DUSP26: variants seen among roughly 807,000 people sequenced by gnomAD.
The protein encoded by DUSP26 is dual specificity phosphatase 26.
Under a neutral mutation model 20.0 loss-of-function variants are expected in DUSP26, and 12 were observed. The observed-to-expected ratio is 0.60, with a 90% CI of 0.38 to 0.97. The LOEUF is 0.97. DUSP26 is among the 50% of genes least tolerant of loss of function. The pLI, the probability that DUSP26 is intolerant of heterozygous loss-of-function variation, is 0.00. For missense variants in DUSP26, 230 were observed against 294.0 expected (o/e 0.78, Z 1.59); for synonymous variants, 120 against 118.8 (o/e 1.01, Z -0.06).
chr8:33,592,296 C>T, intron 3 of DUSP26, 84 bp from the exon 4 acceptor site: 1 of 1,334,174 alleles, frequency 7.5e-7, no homozygotes, highest in South Asian at 1.5e-5. Context: ...TGGGGCCGGG[C>T]ATGGTGGCTC....
chr8:33,599,399 G>C (rs372740290), intron 1 of DUSP26, among the ~76,000 whole-genome samples: 83 of 152,234 alleles, frequency 5.5e-4, no homozygotes, highest in African/African-American at 1.9e-3. Context: ...AATCCCATCC[G>C]TCGGCTCCAG....
chr8:33,593,511 G>A (rs1165820549), intron 3 of DUSP26, 22 bp downstream of exon 3: 2 of 1,606,166 alleles, frequency 1.2e-6, no homozygotes, highest in South Asian at 2.2e-5. Context: ...GTTCTTTCCT[G>A]CTCCCAGCAT....
intron 1 of DUSP26, 112 bp downstream of exon 1, chr8:33,599,553 G>A (rs1811224444): frequency 6.6e-6 from 1 of 152,194 alleles, no homozygotes; most frequent in South Asian, 2.1e-4. Flanking sequence ...GGCTCGCTGG[G>A]CTCGGGTGCC....
At chr8:33,596,583 A>C (rs76550731) in intron 2 of DUSP26, among the ~76,000 whole-genome samples, 1 of 152,322 alleles carries the variant, frequency 6.6e-6, no homozygotes, top group Non-Finnish European at 1.5e-5. Context: ...CTGTCTCCAA[A>C]AAAAAATAAA....
rs770185639 is a variant in DUSP26, at chr8:33,597,412, A to G, written c.104T>C (p.Met35Thr). 4 of 1,614,158 alleles carry G rather than the reference A, an allele frequency of 2.5e-6. No individual in the cohort carries two copies. Among genetic ancestry groups the G allele is most frequent in the South Asian group, 1.1e-5 (1 of 91,074 alleles). The change falls in exon 2 of 4, where the codon ATG (methionine) becomes ACG (threonine). Residue 35 changes from methionine (M) to threonine (T), a missense_variant. By Grantham distance (81) the Met-to-Thr change is moderately conservative. Transcript: ENST00000256261. ...GAGGAAAGGATGTTGAACGGTTGGCATCTCCTCCAGGGTCCCTCGAGTTCG... is the reference window on the plus strand; with the variant it reads ...GAGGAAAGGATGTTGAACGGTTGGCGTCTCCTCCAGGGTCCCTCGAGTTCG... ...PVRTRGTLEE[M>T]PTVQHPFLNV...
At chr8:33,595,325 C>T (rs1329355672) in intron 2 of DUSP26, among the ~76,000 whole-genome samples, 1 of 152,042 alleles carries the variant, frequency 6.6e-6, no homozygotes, top group African/African-American at 2.4e-5. Flanking sequence ...GCCAGATATT[C>T]CATGGCTCAC....
chr8:33,597,726 G>A (rs1252838730), intron 1 of DUSP26, 135 bp from the exon 2 acceptor site: 9 of 505,604 alleles, frequency 1.8e-5, no homozygotes, highest in African/African-American at 1.4e-4. Context: ...CTTCAGGGGT[G>A]GCTTTTTCTT....
At chr8:33,593,858 A>T in intron 2 of DUSP26, 111 bp from the exon 3 acceptor site, 1 of 1,257,454 alleles carries the variant, frequency 8.0e-7, no homozygotes, top group Non-Finnish European at 1.1e-6. Flanking sequence ...TTTTTTTGAG[A>T]TGGAGTCTCG....
rs1207557898 is a variant in DUSP26 at position 33,599,849 on chromosome 8, C to G, written c.-261G>C. The G allele has an allele frequency of 6.6e-6, 1 of 152,226 alleles. No individual in the cohort carries two copies. The highest frequency in any genetic ancestry group is 1.9e-4 in the East Asian group (1 of 5,188). The allele number at this position is 152,226 out of a possible 1,614,324, so 9.4% of individuals were successfully genotyped here. The stretch of plus-strand genomic sequence containing the variant: ...AGCAGGGTTCAAATCAGCGTGTGCG[C>G]TGGTGACATAAAGGGACTCGGTCTC... On this transcript the variant is annotated 5_prime_UTR_variant, in exon 1 of 4. Coordinates refer to ENST00000256261, the MANE Select transcript of DUSP26 (RefSeq NM_024025.3).
In DUSP26 at chr8:33,591,932, A is replaced by C. The variant is rs576727362; in HGVS notation, c.*81T>G. On this transcript the variant is annotated 3_prime_UTR_variant, in exon 4 of 4. Transcript: ENST00000256261. ...GGATGGGTGATCTGGGCCTCCTGCT[A>C]CCTGCCACCTGGGCCTCCTATCTCC... 1.7e-5 allele frequency: 26 copies of C among 1,542,988 alleles called. No homozygotes were observed. Among genetic ancestry groups the C allele is most frequent in the Non-Finnish European group, 2.3e-5 (26 of 1,134,926 alleles).
chr8:33,595,058 A>G (rs1811110317), intron 2 of DUSP26, among the ~76,000 whole-genome samples: 3 of 152,080 alleles, frequency 2.0e-5, no homozygotes, highest in African/African-American at 7.2e-5. Context: ...GTACATTCTA[A>G]TGGTGGAGTC....
chr8:33,597,345 T>G lies in DUSP26; in HGVS notation c.171A>C (p.Thr57=). 1.2e-6 allele frequency: 2 copies of G among 1,613,964 alleles called. No individual in the cohort carries two copies. Among genetic ancestry groups the G allele is most frequent in the Non-Finnish European group, 1.7e-6 (2 of 1,180,010 alleles). Residue 57 remains threonine, a synonymous_variant, in exon 2 of 4, where the codon ACA becomes ACC. Transcript: ENST00000256261. ...ELERLLYTGK[T]ACNHADEVWP... ...AGACCTCGTCGGCATGGTTACAGGC[T>G]GTCTTGCCTGTGTAGAGGAGCCGCT...
chr8:33,597,712 G>A, intron 1 of DUSP26, 121 bp from the exon 2 acceptor site: 1 of 551,576 alleles, frequency 1.8e-6, no homozygotes, highest in South Asian at 2.5e-5. Flanking sequence ...GCTCTGGCAG[G>A]AGCCTTCAGG....
At chr8:33,598,864 G>C (rs1046942046) in intron 1 of DUSP26, among the ~76,000 whole-genome samples, 1 of 152,126 alleles carries the variant, frequency 6.6e-6, no homozygotes, top group Non-Finnish European at 1.5e-5. Context: ...CTGCCAGGGG[G>C]ACTTCAACTC....
chr8:33,598,261 C>T (rs1811196788), intron 1 of DUSP26, among the ~76,000 whole-genome samples: 1 of 152,054 alleles, frequency 6.6e-6, no homozygotes, highest in Non-Finnish European at 1.5e-5. Flanking sequence ...AATGCATGAG[C>T]TTATGGAAGA....
At chr8:33,597,830 G>A in intron 1 of DUSP26, 1 of 269,694 alleles carries the variant, frequency 3.7e-6, no homozygotes. Context: ...AGAGGGAGCT[G>A]CCCAGCTGCT....
chr8:33,594,465 G>A (rs1199965566), intron 2 of DUSP26, among the ~76,000 whole-genome samples: 4 of 151,462 alleles, frequency 2.6e-5, no homozygotes, highest in South Asian at 2.1e-4. Context: ...GGTGGTAGGC[G>A]CCTGTAGTCC....
chr8:33,593,980 C>T (rs372869741), intron 2 of DUSP26, among the ~76,000 whole-genome samples: 13 of 152,118 alleles, frequency 8.5e-5, no homozygotes, highest in African/African-American at 2.7e-4. Flanking sequence ...CCACTATACC[C>T]GGATAATTTT....
Position 33,591,907 on chromosome 8 carries a change from G to T in DUSP26, c.*106C>A. On this transcript the variant is annotated 3_prime_UTR_variant, in exon 4 of 4. Coordinates refer to ENST00000256261, the MANE Select transcript of DUSP26 (RefSeq NM_024025.3). ...CTCGGCCTCTCCTGACCCCAGGGGA[G>T]GATGGGTGATCTGGGCCTCCTGCTA... 7.5e-7 allele frequency: 1 copy of T among 1,331,380 alleles called. No individual in the cohort carries two copies. Among genetic ancestry groups the T allele is most frequent in the Non-Finnish European group, 1.0e-6 (1 of 963,362 alleles). The allele number at this position is 1,331,380 out of a possible 1,614,324, so 82.5% of individuals were successfully genotyped here. A position where few individuals can be genotyped will look rare whatever the true frequency, so the allele number is the denominator to read the frequency against.
Sources: allele counts gnomAD v4.1 joint callset (sites outside exome capture counted in the v4.1 genomes callset), GRCh38; gene constraint gnomAD v4.1.1; transcripts MANE v1.5; gene names NCBI Gene and HGNC (gene_info 2026-07-23, HGNC 2026-07-21).